Variants in ZC3H12B observed in about 807,000 individuals in gnomAD.
ZC3H12B encodes zinc finger CCCH-type containing 12B, also known as probable ribonuclease ZC3H12B.
Under a neutral mutation model 43.9 loss-of-function variants are expected in ZC3H12B, and 7 were observed. The observed-to-expected ratio is 0.16, with a 90% CI of 0.09 to 0.30. ZC3H12B has a LOEUF of 0.30. Ranked by LOEUF, ZC3H12B falls within the 10% of genes least tolerant of loss-of-function variation. ZC3H12B has a pLI of 1.00. For synonymous variants in ZC3H12B, 222 were observed against 241.7 expected, an observed-to-expected ratio of 0.92 and a Z score of 0.76; for missense variants, 475 against 670.2, an observed-to-expected ratio of 0.71 and a Z score of 3.22.
chrX:65,312,395 T>C, the ZC3H12B span, among the ~76,000 whole-genome samples: 2 of 110,347 alleles, frequency 1.8e-5, no homozygotes, highest in Non-Finnish European at 3.8e-5. Context: ...ATCACCGAGG[T>C]TCTATTTTTT....
the ZC3H12B span, among the ~76,000 whole-genome samples, chrX:65,170,610 A>G: frequency 8.9e-6 from 1 of 111,879 alleles, no homozygotes; most frequent in East Asian, 2.8e-4. Flanking sequence ...GTTCTCCTGG[A>G]TAATATCCTG....
chrX:65,296,134 A>C, the ZC3H12B span, among the ~76,000 whole-genome samples: 1 of 112,226 alleles, frequency 8.9e-6, no homozygotes, highest in African/African-American at 3.2e-5. Flanking sequence ...CAACGAATGA[A>C]TAAATAAATG....
At chrX:65,356,828 C>T in the ZC3H12B span, 1 of 292,741 alleles carries the variant, frequency 3.4e-6, no homozygotes, top group Admixed American at 4.2e-5. Flanking sequence ...GATATTACAC[C>T]CCAGCATTGA....
chrX:65,460,288 G>A (rs1261688518), intron 3 of ZC3H12B, among the ~76,000 whole-genome samples: 1 of 111,593 alleles, frequency 9.0e-6, no homozygotes, highest in Non-Finnish European at 1.9e-5. Flanking sequence ...ACTGCCCAAG[G>A]TAATTTATAG....
the ZC3H12B span, among the ~76,000 whole-genome samples, chrX:65,092,796 G>C: frequency 3.6e-5 from 4 of 112,264 alleles, no homozygotes; most frequent in African/African-American, 1.3e-4. Context: ...AAAATGTGCA[G>C]CCTGACCATG....
chrX:65,069,277 G>A, the ZC3H12B span, among the ~76,000 whole-genome samples: 1 of 104,089 alleles, frequency 9.6e-6, no homozygotes, highest in Non-Finnish European at 2.0e-5. Flanking sequence ...ACCCCTTTGA[G>A]GATATTTTCT....
At chrX:65,098,897 G>A in the ZC3H12B span, among the ~76,000 whole-genome samples, 3 of 110,515 alleles carry the variant, frequency 2.7e-5, no homozygotes, top group South Asian at 3.9e-4. Flanking sequence ...TCACTCCTCC[G>A]AAAAGGGGGC....
chrX:65,457,942 G>T (rs1417075366), intron 3 of ZC3H12B, among the ~76,000 whole-genome samples: 2 of 65,598 alleles, frequency 3.0e-5, no homozygotes, highest in South Asian at 8.4e-4. Flanking sequence ...AGGCCGCAGG[G>T]TCCTCTGCCT....
the ZC3H12B span, among the ~76,000 whole-genome samples, chrX:65,186,813 C>G: frequency 8.9e-6 from 1 of 111,910 alleles, no homozygotes; most frequent in African/African-American, 3.2e-5. Context: ...AGTTGCTTCA[C>G]TTGGAATAAT....
chrX:65,335,485 G>T, the ZC3H12B span, among the ~76,000 whole-genome samples: 1 of 111,880 alleles, frequency 8.9e-6, no homozygotes, highest in African/African-American at 3.3e-5. Context: ...AGTGTACAAG[G>T]TATTTTCAAA....
At chrX:65,381,122 C>G (rs1366896877) in intron 2 of ZC3H12B, among the ~76,000 whole-genome samples, 1 of 111,390 alleles carries the variant, frequency 9.0e-6, no homozygotes, top group Non-Finnish European at 1.9e-5. Context: ...ATCTACAGAA[C>G]TCTCCACCCC....
the ZC3H12B span, among the ~76,000 whole-genome samples, chrX:65,349,400 C>G: frequency 8.9e-6 from 1 of 111,794 alleles, no homozygotes; most frequent in Non-Finnish European, 1.9e-5. Flanking sequence ...TAAATGCCCA[C>G]AAGAGAAAGC....
At chrX:65,481,319 G>A (rs2068061246) in intron 3 of ZC3H12B, among the ~76,000 whole-genome samples, 1 of 111,794 alleles carries the variant, frequency 8.9e-6, no homozygotes, top group African/African-American at 3.3e-5. Context: ...TATGCTCTGT[G>A]ATTATTTGTT....
At chrX:65,334,581 C>A in the ZC3H12B span, among the ~76,000 whole-genome samples, 1 of 111,832 alleles carries the variant, frequency 8.9e-6, no homozygotes, top group African/African-American at 3.3e-5. Context: ...TTAATTGGAG[C>A]ACCTTTATAT....
chrX:65,240,354 G>A, the ZC3H12B span, among the ~76,000 whole-genome samples: 2 of 111,678 alleles, frequency 1.8e-5, no homozygotes, highest in Admixed American at 1.9e-4. Context: ...TCTTTGCTTG[G>A]TCTATTCTGC....
chrX:65,465,204 G>T (rs184900360), intron 3 of ZC3H12B, among the ~76,000 whole-genome samples: 1 of 110,860 alleles, frequency 9.0e-6, no homozygotes, highest in African/African-American at 3.3e-5. Flanking sequence ...GAGTATTAAA[G>T]ACCTCAAATA....
At chrX:65,277,852 G>T in the ZC3H12B span, among the ~76,000 whole-genome samples, 1 of 110,510 alleles carries the variant, frequency 9.0e-6, no homozygotes, top group Non-Finnish European at 1.9e-5. Context: ...GAAGGAAGGA[G>T]CTAATACAGA....
the ZC3H12B span, among the ~76,000 whole-genome samples, chrX:65,302,172 T>A: frequency 4.3e-4 from 48 of 111,033 alleles, no homozygotes; most frequent in Non-Finnish European, 7.0e-4. Flanking sequence ...ATGTCCTAGG[T>A]TATGCAACAT....
chrX:65,152,892 T>C, the ZC3H12B span, among the ~76,000 whole-genome samples: 2 of 111,267 alleles, frequency 1.8e-5, no homozygotes, highest in Non-Finnish European at 3.8e-5. Flanking sequence ...GAGATATAGA[T>C]AAATGGAACA....
Sources: allele counts gnomAD v4.1 joint callset (sites outside exome capture counted in the v4.1 genomes callset), GRCh38; gene constraint gnomAD v4.1.1; transcripts MANE v1.5; gene names NCBI Gene and HGNC (gene_info 2026-07-23, HGNC 2026-07-21).